Variants in ABR observed in about 807,000 individuals in gnomAD.
The protein encoded by ABR is active breakpoint cluster region-related protein.
Under a neutral mutation model 107.2 loss-of-function variants are expected in ABR, and 35 were observed. That is an observed-to-expected ratio of 0.33 (90% CI 0.25 to 0.43). The LOEUF is 0.43. ABR is among the 20% of genes least tolerant of loss of function. The pLI is 1.00. For synonymous variants in ABR, 498 were observed against 462.0 expected (o/e 1.08, Z -1.00); for missense variants, 815 against 1,115.2 (o/e 0.73, Z 3.83).
intron 16 of ABR, among the ~76,000 whole-genome samples, chr17:1,046,030 C>T (rs1328029780): frequency 6.6e-6 from 1 of 152,196 alleles, no homozygotes. Context: ...GCCATCACGC[C>T]TGGCTAATTT....
Position 1,011,991 on chromosome 17 carries a change from G to A in ABR, c.1962-6C>T. 6.2e-7 allele frequency: 1 copy of A among 1,612,308 alleles called. No individual in the cohort carries two copies. The highest frequency in any genetic ancestry group is 1.1e-5 in the South Asian group (1 of 91,008). On this transcript the variant is annotated splice_region_variant and splice_polypyrimidine_tract_variant and intron_variant, in intron 18 of 22. Transcript: ENST00000302538. The surrounding 1 kb of genome is among the most constrained non-coding windows in gnomAD (Gnocchi z 4.8). Reference sequence around the variant, plus strand: ...GCACCTTGGAGCGCTCCCGCCTGGGGTGGAGCGTGAGGATGGGTGGAGGGC... The same window carrying A: ...GCACCTTGGAGCGCTCCCGCCTGGGATGGAGCGTGAGGATGGGTGGAGGGC...
In ABR at chr17:1,051,331, G is replaced by A. The variant is rs1012838050; in HGVS notation, c.1562-697C>T. ...TTTCCTGCCTGCCGGTGTACCCGCA[G>A]TACCAAGAACAGGGCTGGGAACCCA... is the stretch of plus-strand genomic sequence containing the variant. On this transcript the variant is annotated intron_variant, in intron 14 of 22. Coordinates refer to ENST00000302538, the MANE Select transcript of ABR (RefSeq NM_021962.5). The surrounding 1 kb of genome is among the most constrained non-coding windows in gnomAD (Gnocchi z 4.3). 2.6e-5 allele frequency among the ~76,000 whole-genome samples: 4 copies of A among 152,012 alleles called. No homozygotes were observed. Among genetic ancestry groups the A allele is most frequent in the South Asian group, 2.1e-4 (1 of 4,830 alleles).
chr17:1,085,018 T>G (rs1018763161), intron 4 of ABR, among the ~76,000 whole-genome samples: 17 of 150,498 alleles, frequency 1.1e-4, no homozygotes, highest in Non-Finnish European at 2.1e-4. Flanking sequence ...GTCAGGCTGG[T>G]CTCAAACTCC....
At position 1,010,886 on chromosome 17, in the gene ABR, A is replaced by G. The variant is rs368611195; in HGVS notation, c.2102-23T>C. The stretch of plus-strand genomic sequence containing the variant: ...TATCTGCAGGGGTGGGGCCGAGGTC[A>G]GGCAGCCTTAGCTGGGCCAGCAGCC... On this transcript the variant is annotated intron_variant, in intron 19 of 22. Transcript: ENST00000302538. This position sits in a 1 kb window ranked among gnomAD's most constrained non-coding sequence, Gnocchi z 4.1. The G allele has an allele frequency of 6.8e-6, 11 of 1,612,046 alleles. No individual in the cohort carries two copies. The highest frequency in any genetic ancestry group is 3.5e-4 in the Middle Eastern group (2 of 5,760).
chr17:1,079,404 G>T lies in ABR; in HGVS notation c.640-14C>A, dbSNP rs1399800801. 1.9e-6 allele frequency: 3 copies of T among 1,611,194 alleles called. No individual in the cohort carries two copies. The highest frequency in any genetic ancestry group is 3.3e-5 in the Admixed American group (2 of 59,770). On this transcript the variant is annotated splice_polypyrimidine_tract_variant and intron_variant, in intron 5 of 22. Coordinates refer to ENST00000302538, the MANE Select transcript of ABR (RefSeq NM_021962.5). The stretch of plus-strand genomic sequence containing the variant: ...CACTTTGAGTTCCTGCCAAAGGGAG[G>T]AGAGGAGTCATGGCCTGTTCTGTCC...
Position 1,102,894 on chromosome 17 carries a change from G to A in ABR, c.247-2159C>T, listed in dbSNP as rs553689551. ...CCCACTAATTTTTGTATTTTTAGTA[G>A]AGATGGGGTTTCACCATGTTGGCCA... is the stretch of plus-strand genomic sequence containing the variant. On this transcript the variant is annotated intron_variant, in intron 2 of 22. Transcript: ENST00000302538. Among the ~76,000 whole-genome samples the A allele has an allele frequency of 4.1e-4, 63 of 152,224 alleles. 1 individual carries two copies. The highest frequency in any genetic ancestry group is 6.2e-4 in the Non-Finnish European group (42 of 68,018).
intron 2 of ABR, among the ~76,000 whole-genome samples, chr17:1,123,279 G>A (rs60539991): frequency 0.35 from 52,879 of 151,898 alleles, 9,466 homozygotes; most frequent in Non-Finnish European, 0.39. Context: ...GCTTCTAGTC[G>A]ATGGTGTAAA....
chr17:1,205,500 G>A (rs75038762), intron 1 of ABR, among the ~76,000 whole-genome samples: 5,276 of 152,224 alleles, frequency 0.035, 223 homozygotes, highest in African/African-American at 0.1. Flanking sequence ...TTTCAGTAGC[G>A]TTTGAATCTT....
rs192845705 is a variant in ABR, at chr17:1,157,654, C to A, written c.61+22013G>T. Among the ~76,000 whole-genome samples, 8 of 152,218 alleles carry A rather than the reference C, an allele frequency of 5.3e-5. No homozygotes were observed. Among genetic ancestry groups the A allele is most frequent in the African/African-American group, 1.7e-4 (7 of 41,454 alleles). On this transcript the variant is annotated intron_variant, in intron 1 of 22. Coordinates refer to ENST00000302538, the MANE Select transcript of ABR (RefSeq NM_021962.5). The surrounding 1 kb of genome is among the most constrained non-coding windows in gnomAD (Gnocchi z 4.7). ...AGAGCCGCTGCTGGAACACGCCCAG[C>A]GGAACAGGGGGAAGCCAACAATCCC...
At chr17:1,225,057 G>A (rs903067880) in intron 1 of ABR, among the ~76,000 whole-genome samples, 1 of 151,428 alleles carries the variant, frequency 6.6e-6, no homozygotes, top group Non-Finnish European at 1.5e-5. Context: ...GCTGAGGCAG[G>A]AGAATGGTGT....
intron 16 of ABR, among the ~76,000 whole-genome samples, chr17:1,025,641 A>G (rs1286229791): frequency 6.6e-6 from 1 of 152,100 alleles, no homozygotes; most frequent in Non-Finnish European, 1.5e-5. Flanking sequence ...CACTGCCCCC[A>G]GGTTTTTTAT....
chr17:1,097,429 A>G (rs956734262), intron 3 of ABR, among the ~76,000 whole-genome samples: 2 of 151,982 alleles, frequency 1.3e-5, no homozygotes, highest in African/African-American at 4.8e-5. Context: ...CATCTCTACT[A>G]AAAATACAAA....
chr17:1,185,411 G>A (rs189104070), intron 1 of ABR, among the ~76,000 whole-genome samples: 3,607 of 152,202 alleles, frequency 0.024, 58 homozygotes, highest in Non-Finnish European at 0.036. Flanking sequence ...TTGGGAGGCC[G>A]AGGCCAGCGG....
chr17:1,145,413 G>C (rs1320410791), intron 1 of ABR, among the ~76,000 whole-genome samples: 4 of 152,146 alleles, frequency 2.6e-5, no homozygotes, highest in Admixed American at 6.5e-5. Context: ...ATAATCCTGG[G>C]CTGATTTGAT....
intron 2 of ABR, among the ~76,000 whole-genome samples, chr17:1,109,559 G>A (rs1328209510): frequency 6.6e-6 from 1 of 152,082 alleles, no homozygotes; most frequent in Non-Finnish European, 1.5e-5. Flanking sequence ...GTGGGGTGGA[G>A]CGGGGAGGCC....
At chr17:1,215,802 A>G (rs1479478560) in intron 1 of ABR, among the ~76,000 whole-genome samples, 2 of 149,738 alleles carry the variant, frequency 1.3e-5, no homozygotes, top group Non-Finnish European at 3.0e-5. Context: ...AGAGGTGGAC[A>G]TAGGAGACTC....
chr17:1,007,379 T>C (rs2070134214), intron 21 of ABR, 67 bp from the exon 22 acceptor site: 1 of 1,588,670 alleles, frequency 6.3e-7, no homozygotes, highest in Middle Eastern at 1.8e-4. Flanking sequence ...CCAGGACCCT[T>C]GGCCTTCGCT....
At chr17:1,030,659 T>C (rs1176943049) in intron 16 of ABR, among the ~76,000 whole-genome samples, 4 of 152,216 alleles carry the variant, frequency 2.6e-5, no homozygotes, top group Admixed American at 2.0e-4. Context: ...CCAAGATCAC[T>C]TCGTCCTGGC....
intron 1 of ABR, among the ~76,000 whole-genome samples, chr17:1,149,097 G>C (rs1355277197): frequency 6.6e-6 from 1 of 151,918 alleles, no homozygotes; most frequent in South Asian, 2.1e-4. Flanking sequence ...TAGAGACGGG[G>C]TTTCACCGTG....
Sources: gnomAD v4.1 joint callset for allele counts (sites outside exome capture counted in the v4.1 genomes callset) on GRCh38, gnomAD v4.1.1 for gene constraint, Gnocchi (gnomAD v3.1) non-coding constraint, MANE v1.5 for transcripts, NCBI Gene and HGNC (gene_info 2026-07-23, HGNC 2026-07-21) for gene names.